Variants in EPG5 observed in about 807,000 individuals in gnomAD.
EPG5 encodes the protein ectopic P-granules 5 autophagy tethering factor, also known as ectopic P granules protein 5 homolog.
In EPG5, 159 loss-of-function variants were observed where a neutral mutation model predicts 302.7. The ratio of observed to expected loss-of-function variants is 0.53; its 90% CI spans 0.46 to 0.60. The LOEUF (loss-of-function observed/expected upper bound fraction) is 0.60. Ranked by LOEUF, EPG5 falls within the 20% of genes least tolerant of loss-of-function variation. The pLI is 0.00. For synonymous variants in EPG5, 1,158 were observed against 1,136.8 expected (o/e 1.02, Z -0.37); for missense variants, 2,896 against 3,092.4 (o/e 0.94, Z 1.51).
At chr18:45,831,146 A>G in the EPG5 span, among the ~76,000 whole-genome samples, 1 of 152,180 alleles carries the variant, frequency 6.6e-6, no homozygotes, top group South Asian at 2.1e-4. Flanking sequence ...CCACCAAAGC[A>G]GAATGCCTCT....
the EPG5 span, among the ~76,000 whole-genome samples, chr18:45,831,177 T>C: frequency 6.6e-6 from 1 of 152,280 alleles, no homozygotes; most frequent in East Asian, 1.9e-4. Context: ...AACCCCTCCA[T>C]GGTGCCTCGG....
At chr18:45,818,266 T>G in the EPG5 span, among the ~76,000 whole-genome samples, 2 of 151,756 alleles carry the variant, frequency 1.3e-5, no homozygotes, top group East Asian at 1.9e-4. Flanking sequence ...ATTTTTTTTT[T>G]TTGTTTTCCT....
chr18:45,866,735 G>A lies in EPG5; in HGVS notation c.6621+63C>T, dbSNP rs1599445315. ...TTCCTAGCTTCGACTGTCCTTTGTA[G>A]CACTTATGCTGCTACCAATCTCCAG... On this transcript the variant is annotated intron_variant, in intron 38 of 43. Transcript: ENST00000282041. 8 of 1,291,876 alleles carry A rather than the reference G, an allele frequency of 6.2e-6. No individual in the cohort carries two copies. The East Asian group carries it at 1.4e-4, about 22-fold the overall frequency. The allele number at this position is 1,291,876 out of a possible 1,614,324, so 80.0% of individuals were successfully genotyped here. A position where few individuals can be genotyped will look rare whatever the true frequency, so the allele number is the denominator to read the frequency against.
chr18:45,829,706 T>C, the EPG5 span, among the ~76,000 whole-genome samples: 1 of 152,130 alleles, frequency 6.6e-6, no homozygotes, highest in African/African-American at 2.4e-5. Flanking sequence ...GGGCTCCTCA[T>C]ACTGGCCACT....
chr18:45,882,286 G>C lies in EPG5; in HGVS notation c.5506C>G (p.Leu1836Val). Residue 1836 changes from leucine (L) to valine (V), a missense_variant, in exon 31 of 44, where the codon CTG (leucine) becomes GTG (valine). Leu to Val is a conservative substitution (Grantham distance 32). Transcript: ENST00000282041. The part of the protein sequence containing the change: ...FPDQYSDILR[L>V]LMQSSAEQLL... ...TGAAGACACTTACTTTGCATAAGCA[G>C]CCTGAGAATGTCACTGTACTGGTCA... 1 of 1,613,506 alleles carries C rather than the reference G, an allele frequency of 6.2e-7. No homozygotes were observed. Among genetic ancestry groups the C allele is most frequent in the Non-Finnish European group, 8.5e-7 (1 of 1,179,446 alleles).
At chr18:45,942,314 T>C (rs2050685910) in intron 9 of EPG5, among the ~76,000 whole-genome samples, 1 of 152,050 alleles carries the variant, frequency 6.6e-6, no homozygotes, top group Non-Finnish European at 1.5e-5. Flanking sequence ...CTAAAATAAA[T>C]GAATTAGGCC....
chr18:45,955,214 A>G lies in EPG5; in HGVS notation c.188T>C (p.Val63Ala). The change falls in exon 2 of 44, where the codon GTA becomes GCA. Residue 63 changes from valine (V) to alanine (A), a missense_variant. This residue lies in a region of EPG5 where 1,390 missense variants were observed against 1,430.0 expected (regional missense o/e 0.97). Coordinates refer to ENST00000282041, the MANE Select transcript of EPG5 (RefSeq NM_020964.3). ...ATCATCCTGGAGCTGGGAATCAGTT[A>G]CCACCTTCAGATGGTCTCCTTTGAA... Reference protein sequence around the residue: ...CEFKGDHLKVVTDSQLQDDAS... With the variant: ...CEFKGDHLKVATDSQLQDDAS... 5.6e-6 allele frequency: 9 copies of G among 1,614,166 alleles called. No homozygotes were observed. The highest frequency in any genetic ancestry group is 7.6e-6 in the Non-Finnish European group (9 of 1,180,022).
chr18:45,859,809 A>G (rs2048592874), intron 40 of EPG5, among the ~76,000 whole-genome samples: 1 of 152,218 alleles, frequency 6.6e-6, no homozygotes. Flanking sequence ...GACACAACAC[A>G]ATTTGCATAT....
At chr18:45,908,107 G>T in intron 23 of EPG5, 26 bp from the exon 24 acceptor site, 2 of 1,464,454 alleles carry the variant, frequency 1.4e-6, no homozygotes, top group Non-Finnish European at 9.3e-7. Flanking sequence ...ATAATTATAC[G>T]AAACATAAAA....
chr18:45,954,390 A>T lies in EPG5; in HGVS notation c.1008+4T>A. The T allele has an allele frequency of 6.3e-7, 1 of 1,582,770 alleles. No homozygotes were observed. The highest frequency in any genetic ancestry group is 8.6e-7 in the Non-Finnish European group (1 of 1,166,618). ...CAAATTCCCCAGGCTTCTGATCAAA[A>T]TACCTGTACAGACATTTGTTCCTCC... is the stretch of plus-strand genomic sequence containing the variant. On this transcript the variant is annotated splice_donor_region_variant and intron_variant, in intron 2 of 43. Coordinates refer to ENST00000282041, the MANE Select transcript of EPG5 (RefSeq NM_020964.3).
chr18:45,904,326 T>C lies in EPG5; in HGVS notation c.4330-209A>G, dbSNP rs72918344. On this transcript the variant is annotated intron_variant, in intron 24 of 43. Coordinates refer to ENST00000282041, the MANE Select transcript of EPG5 (RefSeq NM_020964.3). The stretch of plus-strand genomic sequence containing the variant: ...AACTTTTTTGATTGTGTATCATGAT[T>C]AGAAAAAATTTTAACAGCCCTATAT... 0.044 allele frequency among the ~76,000 whole-genome samples: 6,701 copies of C among 152,236 alleles called. 181 individuals carry two copies. Among genetic ancestry groups the C allele is most frequent in the Non-Finnish European group, 0.064 (4,376 of 67,992 alleles).
chr18:45,837,823 C>G, the EPG5 span: 11 of 1,535,626 alleles, frequency 7.2e-6, no homozygotes, highest in African/African-American at 5.7e-5. Flanking sequence ...GCCGCTACTT[C>G]TGCCGCGTCG....
chr18:45,813,121 G>T, the EPG5 span, among the ~76,000 whole-genome samples: 43 of 152,160 alleles, frequency 2.8e-4, no homozygotes, highest in South Asian at 3.9e-3. Flanking sequence ...GAACAGACAC[G>T]TCTCAAAAGA....
rs535521465 is a variant in EPG5 at position 45,930,962 on chromosome 18, T to C, written c.2258-132A>G. The C allele has an allele frequency of 6.7e-5, 57 of 853,984 alleles. No individual in the cohort carries two copies. In the African/African-American group the frequency reaches 7.1e-4, roughly 11 times the overall value. 52.9% of individuals were successfully genotyped at this position (853,984 alleles called of 1,614,324 possible). Reference sequence around the variant, plus strand: ...CTTTCTTTGTTCCAAAATAGATTTCTACAGGCATCAGGAATAAGGCTGGAC... The same window carrying C: ...CTTTCTTTGTTCCAAAATAGATTTCCACAGGCATCAGGAATAAGGCTGGAC... On this transcript the variant is annotated intron_variant, in intron 11 of 43. Coordinates refer to ENST00000282041, the MANE Select transcript of EPG5 (RefSeq NM_020964.3).
intron 1 of EPG5, among the ~76,000 whole-genome samples, chr18:45,961,748 C>G (rs1019579278): frequency 1.3e-5 from 2 of 151,734 alleles, no homozygotes; most frequent in African/African-American, 4.8e-5. Context: ...ATCCCAGCTA[C>G]TCAGGAGGCT....
chr18:45,932,221 T>C (rs189636914), intron 11 of EPG5, among the ~76,000 whole-genome samples: 112 of 152,262 alleles, frequency 7.4e-4, no homozygotes, highest in Admixed American at 1.7e-3. Context: ...AATAACTCTA[T>C]AGAAAAAACA....
rs1362833693 is a variant in EPG5, at chr18:45,852,210, C to T, written c.*257G>A. 3.1e-6 allele frequency: 1 copy of T among 324,118 alleles called. No individual in the cohort carries two copies. The highest frequency in any genetic ancestry group is 2.2e-5 in the African/African-American group (1 of 46,412). The allele number at this position is 324,118 out of a possible 1,614,324, so 20.1% of individuals were successfully genotyped here. On this transcript the variant is annotated 3_prime_UTR_variant, in exon 44 of 44. Coordinates refer to ENST00000282041, the MANE Select transcript of EPG5 (RefSeq NM_020964.3). ...TGAGTGGCTCTGCACCCAAGTGGAACTTAGTAAGTTTCTCTTGTGGATAAA... is the reference window on the plus strand; with the variant it reads ...TGAGTGGCTCTGCACCCAAGTGGAATTTAGTAAGTTTCTCTTGTGGATAAA...
At chr18:45,838,565 C>T in the EPG5 span, 9 of 976,044 alleles carry the variant, frequency 9.2e-6, no homozygotes, top group Admixed American at 2.7e-4. Flanking sequence ...TAGAATCTTT[C>T]GCCCAAGGCC....
At chr18:45,951,854 T>C (rs929162876) in intron 3 of EPG5, among the ~76,000 whole-genome samples, 2 of 152,170 alleles carry the variant, frequency 1.3e-5, no homozygotes, top group African/African-American at 4.8e-5. Flanking sequence ...AATTTTACTT[T>C]AAAGTACCCT....
Sources: allele counts gnomAD v4.1 joint callset (sites outside exome capture counted in the v4.1 genomes callset), GRCh38; gene constraint gnomAD v4.1.1; regional missense constraint gnomAD v4.1.1; transcripts MANE v1.5; gene names NCBI Gene and HGNC (gene_info 2026-07-23, HGNC 2026-07-21).